The following NR1D2 variants were observed in gnomAD, a reference collection of about 807,000 sequenced individuals.
NR1D2 encodes nuclear receptor subfamily 1 group D member 2.
Under a neutral mutation model 52.2 loss-of-function variants are expected in NR1D2, and 25 were observed. The ratio of observed to expected loss-of-function variants is 0.48; its 90% CI spans 0.35 to 0.67. The LOEUF (loss-of-function observed/expected upper bound fraction) is 0.67. Among genes scored for constraint, NR1D2 ranks in the 30% least tolerant of loss-of-function variants. NR1D2 has a pLI of 0.01. For synonymous variants in NR1D2, 259 were observed against 230.1 expected (o/e 1.13, Z -1.14); for missense variants, 681 against 707.2 (o/e 0.96, Z 0.42).
At chr3:23,952,578 T>C (rs1361231751) in intron 1 of NR1D2, among the ~76,000 whole-genome samples, 2 of 151,664 alleles carry the variant, frequency 1.3e-5, no homozygotes, top group Non-Finnish European at 2.9e-5. Context: ...AAACAAAAAT[T>C]AACCAGGCGT....
intron 7 of NR1D2, among the ~76,000 whole-genome samples, chr3:23,975,948 T>C (rs1388161204): frequency 1.3e-5 from 2 of 152,234 alleles, no homozygotes; most frequent in Non-Finnish European, 2.9e-5. Flanking sequence ...AGGGCATGAA[T>C]GGCCAGAAGT....
chr3:23,945,987 C>G (rs928164144), intron 1 of NR1D2: 5 of 547,496 alleles, frequency 9.1e-6, no homozygotes, highest in Non-Finnish European at 1.2e-5. Context: ...GCTCGGCTCC[C>G]TGACCCACAT....
chr3:23,947,443 C>G (rs1042623361), intron 1 of NR1D2, among the ~76,000 whole-genome samples: 2 of 152,196 alleles, frequency 1.3e-5, no homozygotes, highest in Non-Finnish European at 2.9e-5. Flanking sequence ...ACTCATCATC[C>G]TTGTTGCCGT....
At chr3:23,970,939 A>G (rs1465889003) in intron 7 of NR1D2, among the ~76,000 whole-genome samples, 5 of 151,802 alleles carry the variant, frequency 3.3e-5, no homozygotes, top group African/African-American at 1.2e-4. Flanking sequence ...GCACTACTAC[A>G]CCCAACTAAT....
At chr3:23,976,346 A>T (rs181451415) in intron 7 of NR1D2, among the ~76,000 whole-genome samples, 4 of 149,476 alleles carry the variant, frequency 2.7e-5, no homozygotes, top group Admixed American at 2.6e-4. Context: ...GAGGGTTAAG[A>T]TATGATATGA....
intron 4 of NR1D2, 120 bp from the exon 5 acceptor site, chr3:23,961,857 T>G: frequency 1.1e-6 from 1 of 915,376 alleles, no homozygotes; most frequent in African/African-American, 1.7e-5. Context: ...CAGAGACATG[T>G]AGACTCATTC....
At chr3:23,946,226 A>T (rs905554000) in intron 1 of NR1D2, 1 of 985,310 alleles carries the variant, frequency 1.0e-6, no homozygotes, top group African/African-American at 1.7e-5. Flanking sequence ...ACCGCAGTGC[A>T]CCGGACGCCG....
In NR1D2 at chr3:23,964,972, A is replaced by C. The variant is rs750311705; in HGVS notation, c.1147-5A>C. Reference sequence around the variant, plus strand: ...TTAAGAGTTTTTCCGTTTTATGTATACTAGGTTTGTCCAATGAGTAAGTCT... The same window carrying C: ...TTAAGAGTTTTTCCGTTTTATGTATCCTAGGTTTGTCCAATGAGTAAGTCT... On this transcript the variant is annotated splice_region_variant and splice_polypyrimidine_tract_variant and intron_variant, in intron 5 of 7. Coordinates refer to ENST00000312521, the MANE Select transcript of NR1D2 (RefSeq NM_005126.5). The C allele has an allele frequency of 8.1e-6, 13 of 1,598,830 alleles. No individual in the cohort carries two copies. The highest frequency in any genetic ancestry group is 6.8e-6 in the Non-Finnish European group (8 of 1,170,216).
intron 1 of NR1D2, among the ~76,000 whole-genome samples, chr3:23,945,944 AGGCGGCGGCGGCGGGC>A (rs1470692265): frequency 3.3e-5 from 5 of 149,720 alleles, no homozygotes; most frequent in African/African-American, 1.2e-4. Flanking sequence ...ATGGGCGCTG[AGGCGGCGGCGGCGGGC>A]GGGGACACGT....
Position 23,954,619 on chromosome 3 carries a change from C to G in NR1D2, c.99C>G (p.Phe33Leu). ...SCHSEGSENS[F>L]QSSSSSVPSS... ...ACAGTGAGGGTTCTGAGAATAGTTT[C>G]CAGTCCTCCTCCTCTTCTGTTCCAT... is the stretch of plus-strand genomic sequence containing the variant. Residue 33 changes from phenylalanine to leucine, a missense_variant, in exon 2 of 8, where the codon TTC becomes TTG. Coordinates refer to ENST00000312521, the MANE Select transcript of NR1D2 (RefSeq NM_005126.5). The G allele has an allele frequency of 6.2e-7, 1 of 1,614,034 alleles. No individual in the cohort carries two copies. The highest frequency in any genetic ancestry group is 8.5e-7 in the Non-Finnish European group (1 of 1,179,892).
chr3:23,965,113 A>T lies in NR1D2; in HGVS notation c.1283A>T (p.Asp428Val). 1 of 1,613,850 alleles carries T rather than the reference A, an allele frequency of 6.2e-7. No individual in the cohort carries two copies. Among genetic ancestry groups the T allele is most frequent in the Non-Finnish European group, 8.5e-7 (1 of 1,179,982 alleles). Residue 428 changes from aspartate (D) to valine (V), a missense_variant, in exon 6 of 8, where the codon GAT becomes GTT. Coordinates refer to ENST00000312521, the MANE Select transcript of NR1D2 (RefSeq NM_005126.5). ...EFAKRIPGFR[D>V]LSQHDQVNLL... ...GCAAAGCGTATTCCTGGGTTCAGAGATCTCTCTCAGCATGACCAGGTCAAC... is the reference window on the plus strand; with the variant it reads ...GCAAAGCGTATTCCTGGGTTCAGAGTTCTCTCTCAGCATGACCAGGTCAAC...
chr3:23,965,155 C>G lies in NR1D2; in HGVS notation c.1325C>G (p.Thr442Ser). 6.3e-7 allele frequency: 1 copy of G among 1,581,988 alleles called. No homozygotes were observed. Among genetic ancestry groups the G allele is most frequent in the East Asian group, 2.3e-5 (1 of 42,952 alleles). Residue 442 changes from threonine to serine, a missense_variant, in exon 6 of 8, where the codon ACT becomes AGT. By Grantham distance (58) the Thr-to-Ser change is moderately conservative. Coordinates refer to ENST00000312521, the MANE Select transcript of NR1D2 (RefSeq NM_005126.5). The stretch of plus-strand genomic sequence containing the variant: ...CAGGTCAACCTTTTAAAGGCTGGGA[C>G]TTTTGAGGTAGGTTTTATTTATCCT... ...HDQVNLLKAGTFEVLMVRFAS... is the reference protein window; with the variant it reads ...HDQVNLLKAGSFEVLMVRFAS...
chr3:23,950,344 A>AC (rs1463891211), intron 1 of NR1D2, among the ~76,000 whole-genome samples: 1 of 152,236 alleles, frequency 6.6e-6, no homozygotes, highest in Non-Finnish European at 1.5e-5. Flanking sequence ...TTAGTGGCTG[A>AC]CTTATCCTCT....
intron 7 of NR1D2, among the ~76,000 whole-genome samples, chr3:23,969,356 G>T (rs546900045): frequency 2.0e-4 from 30 of 152,246 alleles, no homozygotes; most frequent in Middle Eastern, 6.8e-3. Context: ...CTGTACCTCA[G>T]TGGAATAAAG....
chr3:23,948,098 C>G (rs1323600438), intron 1 of NR1D2, among the ~76,000 whole-genome samples: 1 of 148,036 alleles, frequency 6.8e-6, no homozygotes, highest in African/African-American at 2.5e-5. Context: ...GCCTGGGCGA[C>G]AAGAGCGAGA....
At chr3:23,946,101 G>T (rs1015900628) in intron 1 of NR1D2, 1 of 984,778 alleles carries the variant, frequency 1.0e-6, no homozygotes, top group African/African-American at 1.8e-5. Context: ...AAGCCTCGGG[G>T]CAGTGACGTC....
intron 1 of NR1D2, among the ~76,000 whole-genome samples, chr3:23,951,976 T>C (rs1048419962): frequency 2.0e-5 from 3 of 152,234 alleles, no homozygotes; most frequent in African/African-American, 7.2e-5. Context: ...CTTGGTCACT[T>C]TGTCTTCCAG....
chr3:23,961,394 T>TC (rs1036561166), intron 4 of NR1D2, among the ~76,000 whole-genome samples: 2 of 142,604 alleles, frequency 1.4e-5, no homozygotes, highest in African/African-American at 5.2e-5. Flanking sequence ...TCTTTCTTTT[T>TC]TTTTTTTTTT....
chr3:23,969,119 C>G (rs1482405901), intron 7 of NR1D2, among the ~76,000 whole-genome samples: 1 of 152,058 alleles, frequency 6.6e-6, no homozygotes, highest in East Asian at 1.9e-4. Flanking sequence ...ACCCCCTTCT[C>G]TACTAAAAAT....
Sources: gnomAD v4.1 joint callset for allele counts (sites outside exome capture counted in the v4.1 genomes callset) on GRCh38, gnomAD v4.1.1 for gene constraint, MANE v1.5 for transcripts, NCBI Gene and HGNC (gene_info 2026-07-23, HGNC 2026-07-21) for gene names.